Variants in KCNQ1 observed in about 807,000 individuals in gnomAD.
The protein encoded by KCNQ1 is potassium voltage-gated channel subfamily KQT member 1.
A neutral mutation model predicts 72.4 loss-of-function variants in KCNQ1; 49 were observed. That is an observed-to-expected ratio of 0.68 (90% confidence interval 0.54 to 0.86). The LOEUF is 0.86. KCNQ1 is among the 40% of genes least tolerant of loss of function. The pLI is 0.00. For synonymous variants in KCNQ1, 450 were observed against 412.6 expected, an observed-to-expected ratio of 1.09 and a Z score of -1.10; for missense variants, 790 against 945.1, an observed-to-expected ratio of 0.84 and a Z score of 2.15.
chr11:2,677,029 T>C lies in KCNQ1; in HGVS notation c.1514+14948T>C. ...CATGATTTATGGAACAGATCCTCTG[T>C]TGATGGATATGTAGGGCAGCTAAAA... On this transcript the variant is annotated intron_variant, in intron 11 of 15. Coordinates refer to ENST00000155840, the MANE Select transcript of KCNQ1 (RefSeq NM_000218.3). This position sits in a 1 kb window ranked among gnomAD's most constrained non-coding sequence, Gnocchi z 4.5. 2.5e-6 allele frequency: 1 copy of C among 398,652 alleles called. No individual in the cohort carries two copies. Among genetic ancestry groups the C allele is most frequent in the Non-Finnish European group, 4.4e-6 (1 of 226,066 alleles). The allele number at this position is 398,652 out of a possible 1,614,324, so 24.7% of individuals were successfully genotyped here. A position where few individuals can be genotyped will look rare whatever the true frequency, so the allele number is the denominator to read the frequency against.
At chr11:2,511,788 C>T (rs1194878772) in intron 1 of KCNQ1, among the ~76,000 whole-genome samples, 2 of 152,200 alleles carry the variant, frequency 1.3e-5, no homozygotes, top group Non-Finnish European at 2.9e-5. Context: ...TCTCTGGGAG[C>T]TGGGAACCTC....
Position 2,668,752 on chromosome 11 carries a change from CCTT to C in KCNQ1, c.1514+6676_1514+6678del, listed in dbSNP as rs1271822446. ...ATATCGCCTCCCCCTCTGCAGGCTG[CCTT>C]CTTCCTCTCTTGATGGTGTCTTTTG... is the stretch of plus-strand genomic sequence containing the variant. On this transcript the variant is annotated intron_variant, in intron 11 of 15. Transcript: ENST00000155840. The surrounding 1 kb of genome is among the most constrained non-coding windows in gnomAD (Gnocchi z 4.3). The C allele has an allele frequency of 1.5e-5, 6 of 398,500 alleles. No individual in the cohort carries two copies. Among genetic ancestry groups the C allele is most frequent in the Non-Finnish European group, 2.2e-5 (5 of 226,072 alleles). The allele number at this position is 398,500 out of a possible 1,614,324, so 24.7% of individuals were successfully genotyped here.
rs576644588 is a variant in KCNQ1 at position 2,838,272 on chromosome 11, G to A, written c.1795-9495G>A. ...CAGGTGCCAAACTATCCACATGCCC[G>A]TCAGGCACCTGGAGGAGTGTGAAAC... On this transcript the variant is annotated intron_variant, in intron 15 of 15. Coordinates refer to ENST00000155840, the MANE Select transcript of KCNQ1 (RefSeq NM_000218.3). Among the ~76,000 whole-genome samples the A allele has an allele frequency of 3.3e-4, 50 of 152,318 alleles. No homozygotes were observed. In the South Asian group the frequency reaches 6.6e-3, roughly 20 times the overall value.
At chr11:2,581,139 C>T (rs533670872) in intron 6 of KCNQ1, among the ~76,000 whole-genome samples, 31 of 152,354 alleles carry the variant, frequency 2.0e-4, no homozygotes, top group African/African-American at 7.5e-4. Flanking sequence ...CAGGGGCCCT[C>T]CGAGCTCAAG....
chr11:2,660,376 G>A (rs1038220126), intron 10 of KCNQ1: 5 of 398,286 alleles, frequency 1.3e-5, no homozygotes, highest in African/African-American at 1.0e-4. Context: ...ACGCTGATGT[G>A]GGAAAACCTT....
chr11:2,501,878 A>C (rs2133645025), intron 1 of KCNQ1, among the ~76,000 whole-genome samples: 1 of 152,372 alleles, frequency 6.6e-6, no homozygotes, highest in Admixed American at 6.5e-5. Flanking sequence ...CCAGGAATGC[A>C]AGGATAGTTC....
In KCNQ1 at chr11:2,830,066, A is replaced by C; in HGVS notation, c.1795-17701A>C. Among the ~76,000 whole-genome samples the C allele has an allele frequency of 6.9e-6, 1 of 145,512 alleles. No individual in the cohort carries two copies. The highest frequency in any genetic ancestry group is 2.2e-4 in the South Asian group (1 of 4,550). On this transcript the variant is annotated intron_variant, in intron 15 of 15. Coordinates refer to ENST00000155840, the MANE Select transcript of KCNQ1 (RefSeq NM_000218.3). The surrounding 1 kb of genome is among the most constrained non-coding windows in gnomAD (Gnocchi z 7.7). ...AGGAAGGAGGAGGGAGGAGGGAGGA[A>C]GAGAGAGAAGGAAGAGATTGGCCAA... is the stretch of plus-strand genomic sequence containing the variant.
chr11:2,533,345 G>A (rs1847673392), intron 2 of KCNQ1, among the ~76,000 whole-genome samples: 1 of 152,120 alleles, frequency 6.6e-6, no homozygotes, highest in Admixed American at 6.5e-5. Context: ...CCGGCACCGT[G>A]AACACCACGT....
intron 11 of KCNQ1, chr11:2,700,118 G>A (rs1343820522): frequency 7.6e-6 from 3 of 397,334 alleles, no homozygotes; most frequent in African/African-American, 4.1e-5. Flanking sequence ...GATTGGCTGG[G>A]TGCGGAAAGT....
At chr11:2,445,668 G>A (rs903945703) in intron 1 of KCNQ1, among the ~76,000 whole-genome samples, 184 bp downstream of exon 1, 3 of 152,162 alleles carry the variant, frequency 2.0e-5, no homozygotes, top group Non-Finnish European at 2.9e-5. Context: ...GCGCTGCTGT[G>A]TCTGGGGGTG....
intron 11 of KCNQ1, among the ~76,000 whole-genome samples, chr11:2,708,117 G>C (rs1850942155): frequency 6.6e-6 from 1 of 152,238 alleles, no homozygotes; most frequent in Admixed American, 6.5e-5. Context: ...CCACGCTCAT[G>C]AATTGTTCCA....
chr11:2,607,451 G>A (rs771484196), intron 10 of KCNQ1, among the ~76,000 whole-genome samples: 4 of 152,190 alleles, frequency 2.6e-5, no homozygotes, highest in Non-Finnish European at 2.9e-5. Flanking sequence ...AAGTGGTTAG[G>A]TCATGAGGGT....
rs566705390 is a variant in KCNQ1, at chr11:2,647,713, C to G, written c.1394-14248C>G. 1 of 398,364 alleles carries G rather than the reference C, an allele frequency of 2.5e-6. No individual in the cohort carries two copies. The highest frequency in any genetic ancestry group is 2.1e-5 in the African/African-American group (1 of 48,668). 24.7% of individuals were successfully genotyped at this position (398,364 alleles called of 1,614,324 possible). A position where few individuals can be genotyped will look rare whatever the true frequency, so the allele number is the denominator to read the frequency against. Reference sequence around the variant, plus strand: ...GTTCAGATTTTTTTTCTTCCTGGTTCAATCTTGGGAGGTTATATATGTCCA... The same window carrying G: ...GTTCAGATTTTTTTTCTTCCTGGTTGAATCTTGGGAGGTTATATATGTCCA... On this transcript the variant is annotated intron_variant, in intron 10 of 15. Coordinates refer to ENST00000155840, the MANE Select transcript of KCNQ1 (RefSeq NM_000218.3). This position sits in a 1 kb window ranked among gnomAD's most constrained non-coding sequence, Gnocchi z 4.0.
At chr11:2,832,071 C>T (rs891806522) in intron 15 of KCNQ1, among the ~76,000 whole-genome samples, 38 of 152,108 alleles carry the variant, frequency 2.5e-4, no homozygotes, top group African/African-American at 9.2e-4. Context: ...GGCTTAGGAC[C>T]TGGGACAACT....
Position 2,759,575 on chromosome 11 carries a change from C to T in KCNQ1, c.1515-9269C>T, listed in dbSNP as rs1051387587. Among the ~76,000 whole-genome samples, 1 of 152,238 alleles carries T rather than the reference C, an allele frequency of 6.6e-6. No homozygotes were observed. The highest frequency in any genetic ancestry group is 1.5e-5 in the Non-Finnish European group (1 of 68,032). On this transcript the variant is annotated intron_variant, in intron 11 of 15. Coordinates refer to ENST00000155840, the MANE Select transcript of KCNQ1 (RefSeq NM_000218.3). This position sits in a 1 kb window ranked among gnomAD's most constrained non-coding sequence, Gnocchi z 4.4. The stretch of plus-strand genomic sequence containing the variant: ...GAGGGAGTTGCAAAGAGCGACACCC[C>T]AGCATGTGGGAAGGAAGGGAGCGAG...
At chr11:2,708,271 A>G (rs1489496098) in intron 11 of KCNQ1, among the ~76,000 whole-genome samples, 1 of 152,106 alleles carries the variant, frequency 6.6e-6, no homozygotes, top group Non-Finnish European at 1.5e-5. Flanking sequence ...TCTTCTCAAC[A>G]GGATCCCTTT....
In KCNQ1 at chr11:2,463,655, A is replaced by G. The variant is rs1589893819; in HGVS notation, c.386+18171A>G. 6.6e-6 allele frequency among the ~76,000 whole-genome samples: 1 copy of G among 152,258 alleles called. No homozygotes were observed. The highest frequency in any genetic ancestry group is 1.9e-4 in the East Asian group (1 of 5,176). ...TATGGGTGTACTCCCTGTGCTGGGC[A>G]CTGCGCTGAGCTCAACACACAGGGG... On this transcript the variant is annotated intron_variant, in intron 1 of 15. Transcript: ENST00000155840. This position sits in a 1 kb window ranked among gnomAD's most constrained non-coding sequence, Gnocchi z 7.0.
chr11:2,796,396 G>A (rs970547989), intron 15 of KCNQ1, among the ~76,000 whole-genome samples: 1 of 152,212 alleles, frequency 6.6e-6, no homozygotes, highest in African/African-American at 2.4e-5. Flanking sequence ...ATTGATGGCA[G>A]GGTGGCAGGA....
In KCNQ1 at chr11:2,479,394, C is replaced by G. The variant is rs1207341287; in HGVS notation, c.386+33910C>G. On this transcript the variant is annotated intron_variant, in intron 1 of 15. Transcript: ENST00000155840. This position sits in a 1 kb window ranked among gnomAD's most constrained non-coding sequence, Gnocchi z 4.6. Reference sequence around the variant, plus strand: ...GACATCCAGGCATTTCCATACATCTCTGAAATCTAGGCAGAGCTTTCCATA... The same window carrying G: ...GACATCCAGGCATTTCCATACATCTGTGAAATCTAGGCAGAGCTTTCCATA... Among the ~76,000 whole-genome samples the G allele has an allele frequency of 6.6e-6, 1 of 152,258 alleles. No homozygotes were observed. The highest frequency in any genetic ancestry group is 1.5e-5 in the Non-Finnish European group (1 of 68,052).
Sources: gnomAD v4.1 joint callset for allele counts (sites outside exome capture counted in the v4.1 genomes callset) on GRCh38, gnomAD v4.1.1 for gene constraint, Gnocchi (gnomAD v3.1) non-coding constraint, MANE v1.5 for transcripts, NCBI Gene and HGNC (gene_info 2026-07-23, HGNC 2026-07-21) for gene names.